The following PES1 variants were observed in gnomAD, a reference collection of about 807,000 sequenced individuals.
PES1 encodes pescadillo homolog.
Under a neutral mutation model 77.1 loss-of-function variants are expected in PES1, and 31 were observed. That is an observed-to-expected ratio of 0.40 (90% CI 0.30 to 0.54). PES1 has a LOEUF of 0.54. Ranked by LOEUF, PES1 falls within the 20% of genes least tolerant of loss-of-function variation. The pLI is 0.45. For missense variants in PES1, 658 were observed against 771.7 expected (o/e 0.85, Z 1.75); for synonymous variants, 282 against 303.0 (o/e 0.93, Z 0.72).
chr22:30,581,693 C>T, intron 6 of PES1, 49 bp from the exon 7 acceptor site: 3 of 1,295,656 alleles, frequency 2.3e-6, no homozygotes, highest in African/African-American at 1.4e-5. Context: ...GGGATGGGGG[C>T]AAAGGAGGGA....
Sources: allele counts gnomAD v4.1 joint callset, GRCh38; gene constraint gnomAD v4.1.1; transcripts MANE v1.5; gene names NCBI Gene and HGNC (gene_info 2026-07-23, HGNC 2026-07-21).